CCDC180: variants seen among roughly 807,000 people sequenced by gnomAD.
CCDC180 encodes coiled-coil domain-containing protein 180.
A neutral mutation model predicts 209.2 loss-of-function variants in CCDC180; 154 were observed. The ratio of observed to expected loss-of-function variants is 0.74; its 90% CI spans 0.65 to 0.84. The LOEUF (loss-of-function observed/expected upper bound fraction) is 0.84, where lower values mean the gene tolerates loss of function less well. Ranked by LOEUF, CCDC180 falls within the 40% of genes least tolerant of loss-of-function variation. CCDC180 has a pLI of 0.00. For synonymous variants in CCDC180, 778 were observed against 749.1 expected (o/e 1.04, Z -0.63); for missense variants, 1,874 against 1,997.3 (o/e 0.94, Z 1.18).
chr9:97,359,937 T>C, intron 25 of CCDC180, 45 bp from the exon 26 acceptor site: 1 of 1,608,834 alleles, frequency 6.2e-7, no homozygotes, highest in Non-Finnish European at 8.5e-7. Context: ...CCCACCCTCC[T>C]GCAGTCTGCT....
Position 97,365,744 on chromosome 9 carries a change from G to T in CCDC180, c.4047+5G>T. 6.2e-7 allele frequency: 1 copy of T among 1,613,652 alleles called. No homozygotes were observed. The highest frequency in any genetic ancestry group is 8.5e-7 in the Non-Finnish European group (1 of 1,179,784). ...AACCTGCTGACAGTCGCAGAGGTGAGGACCACCACCCATGGCCTGTGCCTG... is the reference window on the plus strand; with the variant it reads ...AACCTGCTGACAGTCGCAGAGGTGATGACCACCACCCATGGCCTGTGCCTG... On this transcript the variant is annotated splice_donor_5th_base_variant and intron_variant, in intron 30 of 36. Coordinates refer to ENST00000529487, the MANE Select transcript of CCDC180 (RefSeq NM_020893.6).
At chr9:97,357,815 A>T in intron 25 of CCDC180, 90 bp downstream of exon 25, 1 of 1,079,604 alleles carries the variant, frequency 9.3e-7, no homozygotes, top group South Asian at 1.5e-5. Flanking sequence ...TGTGTATAGG[A>T]TTTCTCCAGC....
chr9:97,362,491 A>G (rs750752433), intron 28 of CCDC180, 50 bp downstream of exon 28: 6 of 1,588,006 alleles, frequency 3.8e-6, no homozygotes, highest in Admixed American at 1.7e-5. Context: ...ATCCCCCCAC[A>G]CAAAGGCAGG....
At chr9:97,341,291 C>T (rs981073835) in intron 18 of CCDC180, among the ~76,000 whole-genome samples, 1 of 152,170 alleles carries the variant, frequency 6.6e-6, no homozygotes, top group African/African-American at 2.4e-5. Context: ...TTTCTTTTAT[C>T]TCTTTGTCTT....
At position 97,326,613 on chromosome 9, in the gene CCDC180, A is replaced by C. The variant is rs767710069; in HGVS notation, c.1605A>C (p.Glu535Asp). Residue 535 changes from glutamate (E) to aspartate (D), a missense_variant, in exon 15 of 37, where the codon GAA (glutamate) becomes GAC (aspartate). Physicochemically the swap from Glu to Asp is conservative, Grantham distance 45. Transcript: ENST00000529487. ...AACTGAGGCAGCAAAGTGACAAAGA[A>C]ACACTGGCGTTTCACCTGGAAAAGG... is the stretch of plus-strand genomic sequence containing the variant. ...LDQLRQQSDK[E>D]TLAFHLEKVK... The C allele has an allele frequency of 6.2e-7, 1 of 1,614,082 alleles. No individual in the cohort carries two copies. Among genetic ancestry groups the C allele is most frequent in the African/African-American group, 1.3e-5 (1 of 75,030 alleles).
At chr9:97,326,507 C>T (rs1213227538) in intron 14 of CCDC180, 47 bp from the exon 15 acceptor site, 2 of 1,107,232 alleles carry the variant, frequency 1.8e-6, no homozygotes, top group East Asian at 4.7e-5. Flanking sequence ...ACTCTGTGAG[C>T]ACTGGAGGTC....
chr9:97,375,675 C>T (rs183161745), intron 36 of CCDC180, 86 bp downstream of exon 36: 19 of 1,561,422 alleles, frequency 1.2e-5, no homozygotes, highest in Non-Finnish European at 1.5e-5. Flanking sequence ...TCACCCGGCA[C>T]CCAACATTTG....
At chr9:97,346,509 GTA>G (rs1564165287) in intron 19 of CCDC180, among the ~76,000 whole-genome samples, 3 of 152,284 alleles carry the variant, frequency 2.0e-5, no homozygotes, top group African/African-American at 7.2e-5. Context: ...CATGTCCCTA[GTA>G]TATGAAGAGC....
chr9:97,308,013 G>T lies in CCDC180; in HGVS notation c.-51G>T. On this transcript the variant is annotated 5_prime_UTR_variant, in exon 2 of 37. Coordinates refer to ENST00000529487, the MANE Select transcript of CCDC180 (RefSeq NM_020893.6). ...GGAATTGAGACACCAAAGCCTAGAC[G>T]CGTTTCCTGGACGACGGCTTCCCGG... 2.5e-6 allele frequency: 4 copies of T among 1,609,588 alleles called. No individual in the cohort carries two copies. The highest frequency in any genetic ancestry group is 3.4e-6 in the Non-Finnish European group (4 of 1,178,024).
rs149650994 is a variant in CCDC180, at chr9:97,325,918, G to C, written c.1546-636G>C. On this transcript the variant is annotated intron_variant, in intron 14 of 36. Coordinates refer to ENST00000529487, the MANE Select transcript of CCDC180 (RefSeq NM_020893.6). ...CAGTAGTTAAGGTTAACTCACATAT[G>C]GGGGGCTGTTAAGGGTGACATCACA... is the stretch of plus-strand genomic sequence containing the variant. 2.5e-3 allele frequency among the ~76,000 whole-genome samples: 383 copies of C among 152,290 alleles called. 1 individual carries two copies. Among genetic ancestry groups the C allele is most frequent in the African/African-American group, 8.7e-3 (360 of 41,548 alleles).
In CCDC180 at chr9:97,343,349, AAGGAAG is replaced by A. The variant is rs1826144267; in HGVS notation, c.2288_2293del (p.Glu763_Glu764del). 1 of 1,605,924 alleles carries A rather than the reference AAGGAAG, an allele frequency of 6.2e-7. No homozygotes were observed. Among genetic ancestry groups the A allele is most frequent in the African/African-American group, 1.3e-5 (1 of 74,746 alleles). Reference sequence around the variant, plus strand: ...GTTATTGCCTGCTTAGGAAGAAGACAAGGAAGAGGGTCTAGAGGAGATATACTATGA... The same window carrying A: ...GTTATTGCCTGCTTAGGAAGAAGACAAGGGTCTAGAGGAGATATACTATGA... On this transcript the variant is annotated inframe_deletion, in exon 19 of 37. Coordinates refer to ENST00000529487, the MANE Select transcript of CCDC180 (RefSeq NM_020893.6).
chr9:97,336,754 A>G (rs551724644), intron 18 of CCDC180, among the ~76,000 whole-genome samples: 3 of 152,340 alleles, frequency 2.0e-5, no homozygotes, highest in Middle Eastern at 3.4e-3. Context: ...TAACTTGGGC[A>G]GTATGGCCAT....
intron 8 of CCDC180, among the ~76,000 whole-genome samples, chr9:97,316,571 G>T (rs190875624): frequency 6.6e-6 from 1 of 152,174 alleles, no homozygotes; most frequent in Admixed American, 6.5e-5. Context: ...ATCATCCCAC[G>T]CCCATGCCAG....
At chr9:97,362,919 C>G (rs1826806937) in intron 28 of CCDC180, among the ~76,000 whole-genome samples, 2 of 152,206 alleles carry the variant, frequency 1.3e-5, no homozygotes, top group African/African-American at 2.4e-5. Flanking sequence ...CTTTGCCTTT[C>G]CCTCCAGAAG....
At chr9:97,310,695 G>T (rs1832955354) in intron 3 of CCDC180, among the ~76,000 whole-genome samples, 1 of 152,108 alleles carries the variant, frequency 6.6e-6, no homozygotes, top group East Asian at 1.9e-4. Flanking sequence ...CTTTGGGGCA[G>T]GGACAGACCC....
chr9:97,354,177 T>C (rs1474125298), intron 22 of CCDC180, among the ~76,000 whole-genome samples: 4 of 151,930 alleles, frequency 2.6e-5, no homozygotes. Flanking sequence ...TTTTTTACTT[T>C]TTTAGAGACA....
chr9:97,354,939 T>C lies in CCDC180; in HGVS notation c.3195T>C (p.Ser1065=). ...NKFESKFHNL[S]VDLIFIEKIQ... is the part of the protein sequence containing the mutation. ...TTGAAAGCAAATTCCATAACCTGTC[T>C]GTGGACCTTATTTTCATAGAGAAAA... The change falls in exon 24 of 37, where the codon TCT becomes TCC. Residue 1065 remains serine (S), a synonymous_variant. Coordinates refer to ENST00000529487, the MANE Select transcript of CCDC180 (RefSeq NM_020893.6). The C allele has an allele frequency of 1.2e-6, 2 of 1,614,236 alleles. No individual in the cohort carries two copies. Among genetic ancestry groups the C allele is most frequent in the South Asian group, 2.2e-5 (2 of 91,092 alleles).
intron 6 of CCDC180, 37 bp downstream of exon 6, chr9:97,314,558 G>A: frequency 1.2e-6 from 2 of 1,613,658 alleles, no homozygotes; most frequent in Non-Finnish European, 1.7e-6. Context: ...GCCCCACCCA[G>A]GTCCTGCTTC....
At chr9:97,317,265 C>A in intron 9 of CCDC180, 37 bp downstream of exon 9, 1 of 1,487,188 alleles carries the variant, frequency 6.7e-7, no homozygotes, top group South Asian at 1.3e-5. Context: ...TCCAGCCCAC[C>A]AGGGGGGCTG....
Sources: gnomAD v4.1 joint callset for allele counts (sites outside exome capture counted in the v4.1 genomes callset) on GRCh38, gnomAD v4.1.1 for gene constraint, MANE v1.5 for transcripts, NCBI Gene and HGNC (gene_info 2026-07-23, HGNC 2026-07-21) for gene names.